The following ADAMTSL1 variants were observed in gnomAD, a reference collection of about 807,000 sequenced individuals.
ADAMTSL1 encodes ADAMTS-like protein 1.
In ADAMTSL1, 126 loss-of-function variants were observed where a neutral mutation model predicts 201.8. The observed-to-expected ratio is 0.62, with a 90% CI of 0.54 to 0.72. ADAMTSL1 has a LOEUF of 0.72. ADAMTSL1 is among the 30% of genes least tolerant of loss of function. The pLI, the probability that ADAMTSL1 is intolerant of heterozygous loss-of-function variation, is 0.00. For synonymous variants in ADAMTSL1, 1,121 were observed against 903.4 expected (o/e 1.24, Z -4.32); for missense variants, 2,679 against 2,277.8 (o/e 1.18, Z -3.59).
At chr9:18,573,990 C>G in intron 3 of ADAMTSL1, 40 bp from the exon 4 acceptor site, 3 of 1,555,306 alleles carry the variant, frequency 1.9e-6, no homozygotes, top group Non-Finnish European at 2.6e-6. Context: ...TGGGGGTATC[C>G]TCCTAACCTT....
chr9:18,437,029 C>G (rs1291985427), intron 2 of ADAMTSL1, among the ~76,000 whole-genome samples: 1 of 151,590 alleles, frequency 6.6e-6, no homozygotes, highest in Non-Finnish European at 1.5e-5. Flanking sequence ...GCCTTGTTAT[C>G]TGAGCATCAG....
At chr9:18,655,698 TG>T (rs1270804887) in intron 7 of ADAMTSL1, among the ~76,000 whole-genome samples, 1 of 151,586 alleles carries the variant, frequency 6.6e-6, no homozygotes, top group Non-Finnish European at 1.5e-5. Flanking sequence ...ACAAATGCTC[TG>T]GTCTTTTATT....
intron 1 of ADAMTSL1, among the ~76,000 whole-genome samples, chr9:18,149,176 G>A (rs1411792): frequency 0.74 from 112,158 of 151,816 alleles, 42,099 homozygotes; most frequent in Non-Finnish European, 0.81. Context: ...ACCCTTCTTA[G>A]TGAGCTCGTC....
intron 6 of ADAMTSL1, among the ~76,000 whole-genome samples, chr9:18,638,620 C>A (rs1236025665): frequency 6.6e-6 from 1 of 151,878 alleles, no homozygotes; most frequent in Non-Finnish European, 1.5e-5. Flanking sequence ...GGTTTTTTTT[C>A]TATCTCAAGC....
chr9:18,703,417 A>G (rs1275080080), intron 13 of ADAMTSL1, among the ~76,000 whole-genome samples: 3 of 152,054 alleles, frequency 2.0e-5, no homozygotes, highest in African/African-American at 7.2e-5. Flanking sequence ...TTTGAAACAT[A>G]ATCTCCTGCC....
At chr9:18,710,042 C>T (rs1832464770) in intron 14 of ADAMTSL1, among the ~76,000 whole-genome samples, 2 of 152,182 alleles carry the variant, frequency 1.3e-5, no homozygotes, top group Non-Finnish European at 2.9e-5. Context: ...ACTTGATGAG[C>T]TAACTTCTCA....
chr9:17,983,738 A>T (rs1818815485), intron 1 of ADAMTSL1, among the ~76,000 whole-genome samples: 1 of 152,136 alleles, frequency 6.6e-6, no homozygotes, highest in Non-Finnish European at 1.5e-5. Context: ...CACAATATTT[A>T]TGTCTAATTG....
intron 2 of ADAMTSL1, among the ~76,000 whole-genome samples, chr9:18,259,893 G>A (rs1278517458): frequency 6.6e-6 from 1 of 152,144 alleles, no homozygotes; most frequent in South Asian, 2.1e-4. Context: ...AATTATGGTT[G>A]TTTCCTAGTC....
intron 2 of ADAMTSL1, among the ~76,000 whole-genome samples, chr9:18,244,320 T>C (rs558531517): frequency 6.6e-6 from 1 of 152,154 alleles, no homozygotes; most frequent in Middle Eastern, 3.2e-3. Context: ...TTTCTCTTCA[T>C]GTATAAAACA....
chr9:18,655,928 C>A (rs958785130), intron 7 of ADAMTSL1, among the ~76,000 whole-genome samples: 8 of 149,852 alleles, frequency 5.3e-5, no homozygotes, highest in Non-Finnish European at 1.5e-5. Flanking sequence ...AAATAGAAAT[C>A]TATAGGCAGT....
rs10963502 is a variant in ADAMTSL1, at chr9:18,179,252, G to C, written c.207+15271G>C. ...ATGCAGAAGCCACAGGAGCCGATGC[G>C]ATCAACTGGAAGAAAGGGTATCAGC... is the stretch of plus-strand genomic sequence containing the variant. On this transcript the variant is annotated intron_variant, in intron 2 of 29. Transcript: ENST00000680146. Among the ~76,000 whole-genome samples the C allele has an allele frequency of 4.8e-3, 727 of 152,256 alleles. 5 individuals carry two copies. Among genetic ancestry groups the C allele is most frequent in the Non-Finnish European group, 8.4e-3 (570 of 68,030 alleles).
intron 2 of ADAMTSL1, among the ~76,000 whole-genome samples, chr9:18,287,650 C>CACACATAA (rs1192554883): frequency 5.0e-5 from 7 of 139,816 alleles, no homozygotes; most frequent in Admixed American, 5.0e-4. Flanking sequence ...TATGTGTATA[C>CACACATAA]ATATACACAT....
chr9:18,299,217 C>T (rs112953950), intron 2 of ADAMTSL1, among the ~76,000 whole-genome samples: 2 of 152,078 alleles, frequency 1.3e-5, no homozygotes, highest in African/African-American at 4.8e-5. Flanking sequence ...AATTCAAACC[C>T]CAGACTTCTA....
At chr9:18,625,441 A>G (rs187910033) in intron 5 of ADAMTSL1, among the ~76,000 whole-genome samples, 1 of 152,092 alleles carries the variant, frequency 6.6e-6, no homozygotes, top group Non-Finnish European at 1.5e-5. Flanking sequence ...TTTTTATTAA[A>G]AGACATTACA....
intron 1 of ADAMTSL1, among the ~76,000 whole-genome samples, chr9:18,090,641 C>T (rs538835422): frequency 6.6e-6 from 1 of 151,952 alleles, no homozygotes; most frequent in Admixed American, 6.6e-5. Context: ...GTTTTAATTG[C>T]GGAATGTGAA....
chr9:18,036,681 A>T (rs970662446), intron 1 of ADAMTSL1, among the ~76,000 whole-genome samples: 2 of 152,206 alleles, frequency 1.3e-5, no homozygotes, highest in Non-Finnish European at 2.9e-5. Flanking sequence ...CTTAGGAGGT[A>T]TCAGATATCT....
intron 3 of ADAMTSL1, among the ~76,000 whole-genome samples, chr9:18,572,797 C>G (rs1220044809): frequency 6.6e-6 from 1 of 152,156 alleles, no homozygotes; most frequent in Non-Finnish European, 1.5e-5. Context: ...TATAAGAGAA[C>G]TCTCACAATG....
chr9:18,597,941 C>T (rs1387945745), intron 4 of ADAMTSL1, among the ~76,000 whole-genome samples: 2 of 152,034 alleles, frequency 1.3e-5, no homozygotes, highest in South Asian at 2.1e-4. Flanking sequence ...TATAATAAAC[C>T]CCACCTGTCA....
chr9:18,206,229 A>AT (rs1418599564), intron 2 of ADAMTSL1, among the ~76,000 whole-genome samples: 1 of 152,034 alleles, frequency 6.6e-6, no homozygotes, highest in African/African-American at 2.4e-5. Context: ...AAGCTGATGT[A>AT]TTTTTTTGTG....
Sources: gnomAD v4.1 joint callset for allele counts (sites outside exome capture counted in the v4.1 genomes callset) on GRCh38, gnomAD v4.1.1 for gene constraint, MANE v1.5 for transcripts, NCBI Gene and HGNC (gene_info 2026-07-23, HGNC 2026-07-21) for gene names.